The following CCDC148 variants were observed in gnomAD, a reference collection of about 807,000 sequenced individuals.
CCDC148 encodes coiled-coil domain containing 148, also known as coiled-coil domain-containing protein 148.
In CCDC148, 89 loss-of-function variants were observed where a neutral mutation model predicts 85.7. The observed-to-expected ratio is 1.04, with a 90% CI of 0.87 to 1.24. CCDC148 has a LOEUF of 1.24. Ranked by LOEUF, CCDC148 falls within the 50% of genes most tolerant of loss-of-function variation. The probability of loss-of-function intolerance (pLI) is 0.00; values close to 1 mark genes in which losing one functional copy is unlikely to be tolerated. For missense variants in CCDC148, 692 were observed against 671.7 expected (o/e 1.03, Z -0.33); for synonymous variants, 230 against 213.9 (o/e 1.08, Z -0.66).
intron 1 of CCDC148, among the ~76,000 whole-genome samples, chr2:158,434,900 A>T (rs1687563474): frequency 6.6e-6 from 1 of 152,238 alleles, no homozygotes; most frequent in South Asian, 2.1e-4. Context: ...AAATGAATGA[A>T]ATGAAGCGAG....
At chr2:158,232,509 C>T (rs1042333185) in intron 10 of CCDC148, among the ~76,000 whole-genome samples, 1 of 151,872 alleles carries the variant, frequency 6.6e-6, no homozygotes, top group Non-Finnish European at 1.5e-5. Flanking sequence ...TTAAATTCAA[C>T]ATGAAATAAG....
At chr2:158,178,832 AT>A (rs3836162) in intron 12 of CCDC148, 46 bp downstream of exon 12, 17 of 1,281,058 alleles carry the variant, frequency 1.3e-5, no homozygotes, top group Non-Finnish European at 1.5e-5. Flanking sequence ...ACTTAGAAAC[AT>A]TTTTTTTAAA....
chr2:158,447,155 T>C (rs530249317), intron 1 of CCDC148: 1 of 152,302 alleles, frequency 6.6e-6, no homozygotes, highest in East Asian at 1.9e-4. Flanking sequence ...ATATGACTTA[T>C]TCTTTTTTAA....
intron 2 of CCDC148, among the ~76,000 whole-genome samples, chr2:158,346,280 A>G (rs1044071558): frequency 5.3e-5 from 8 of 152,160 alleles, no homozygotes; most frequent in African/African-American, 1.2e-4. Context: ...GGAGAAGCCA[A>G]AGGATTATGT....
At chr2:158,305,080 G>A (rs1027811081) in intron 9 of CCDC148, among the ~76,000 whole-genome samples, 1 of 152,058 alleles carries the variant, frequency 6.6e-6, no homozygotes, top group Non-Finnish European at 1.5e-5. Context: ...AGCAGAGAAC[G>A]CATCCTATGA....
chr2:158,412,507 A>G (rs1686304534), intron 1 of CCDC148, among the ~76,000 whole-genome samples: 1 of 152,192 alleles, frequency 6.6e-6, no homozygotes, highest in South Asian at 2.1e-4. Flanking sequence ...CCCCAGTTCC[A>G]GCCCACAAAT....
At chr2:158,269,220 C>T (rs772676205) in intron 9 of CCDC148, among the ~76,000 whole-genome samples, 7 of 152,092 alleles carry the variant, frequency 4.6e-5, no homozygotes, top group South Asian at 2.1e-4. Context: ...ATCTCACTGA[C>T]GCTCATTCTC....
chr2:158,426,429 T>C (rs1183579106), intron 1 of CCDC148, among the ~76,000 whole-genome samples: 1 of 152,194 alleles, frequency 6.6e-6, no homozygotes, highest in East Asian at 1.9e-4. Flanking sequence ...TAGGTAAGCA[T>C]TTGCATATTC....
At chr2:158,384,089 C>T (rs928222899) in intron 1 of CCDC148, among the ~76,000 whole-genome samples, 2 of 152,136 alleles carry the variant, frequency 1.3e-5, no homozygotes, top group Admixed American at 1.3e-4. Context: ...GCAGGAATAT[C>T]ACAGAAGTGA....
At chr2:158,285,383 C>A (rs1434332655) in intron 9 of CCDC148, among the ~76,000 whole-genome samples, 1 of 150,908 alleles carries the variant, frequency 6.6e-6, no homozygotes, top group Admixed American at 6.6e-5. Context: ...AAGAAACTCT[C>A]CAGAATAAAG....
At chr2:158,352,478 A>G (rs903871926) in intron 2 of CCDC148, among the ~76,000 whole-genome samples, 4 of 152,178 alleles carry the variant, frequency 2.6e-5, no homozygotes, top group South Asian at 4.1e-4. Context: ...GGGTATCAGC[A>G]ACGGAAGATG....
intron 9 of CCDC148, among the ~76,000 whole-genome samples, chr2:158,268,901 C>T (rs1304656989): frequency 6.6e-6 from 1 of 152,124 alleles, no homozygotes; most frequent in East Asian, 1.9e-4. Context: ...GGCAGAATTT[C>T]CTTCTTTTTA....
At chr2:158,371,218 C>T (rs1192765282) in intron 1 of CCDC148, among the ~76,000 whole-genome samples, 2 of 145,978 alleles carry the variant, frequency 1.4e-5, no homozygotes, top group Non-Finnish European at 3.0e-5. Context: ...GATATTGATA[C>T]TGAATTGATT....
chr2:158,429,901 C>A (rs911731516), intron 1 of CCDC148, among the ~76,000 whole-genome samples: 2 of 152,276 alleles, frequency 1.3e-5, no homozygotes, highest in African/African-American at 4.8e-5. Context: ...ACAGGGAGAG[C>A]ATTCTCAGCA....
At chr2:158,211,771 C>T (rs1417072308) in intron 11 of CCDC148, among the ~76,000 whole-genome samples, 1 of 152,192 alleles carries the variant, frequency 6.6e-6, no homozygotes, top group African/African-American at 2.4e-5. Context: ...TTCAGCTGTG[C>T]CATCTCTGCC....
intron 11 of CCDC148, among the ~76,000 whole-genome samples, chr2:158,200,943 C>G (rs760958917): frequency 1.3e-5 from 2 of 152,140 alleles, no homozygotes; most frequent in Non-Finnish European, 2.9e-5. Context: ...TTAGCTGACA[C>G]ATTAAAATAG....
intron 11 of CCDC148, among the ~76,000 whole-genome samples, chr2:158,210,570 C>T (rs1686509971): frequency 6.6e-6 from 1 of 152,038 alleles, no homozygotes; most frequent in African/African-American, 2.4e-5. Context: ...AAGTAAAACA[C>T]TCCTCAGCAA....
At chr2:158,277,872 T>C (rs983606579) in intron 9 of CCDC148, among the ~76,000 whole-genome samples, 9 of 152,140 alleles carry the variant, frequency 5.9e-5, no homozygotes, top group Non-Finnish European at 1.2e-4. Context: ...GTTATGTTTT[T>C]TATTTTCATT....
chr2:158,188,977 T>C (rs183066723), intron 11 of CCDC148, among the ~76,000 whole-genome samples: 104 of 151,868 alleles, frequency 6.8e-4, no homozygotes, highest in African/African-American at 2.4e-3. Flanking sequence ...GGCCAACAAT[T>C]AATCACCAGA....
Sources: gnomAD v4.1 joint callset for allele counts (sites outside exome capture counted in the v4.1 genomes callset) on GRCh38, gnomAD v4.1.1 for gene constraint, MANE v1.5 for transcripts, NCBI Gene and HGNC (gene_info 2026-07-23, HGNC 2026-07-21) for gene names.